The following SMYD3 variants were observed in gnomAD, a reference collection of about 807,000 sequenced individuals.
The protein encoded by SMYD3 is histone-lysine N-methyltransferase SMYD3.
SMYD3 carries 36 observed loss-of-function variants against 57.7 expected under a neutral mutation model. The observed-to-expected ratio is 0.62, with a 90% CI of 0.48 to 0.82. The LOEUF (loss-of-function observed/expected upper bound fraction) is 0.82. Among genes scored for constraint, SMYD3 ranks in the 40% least tolerant of loss-of-function variants. The pLI, the probability that SMYD3 is intolerant of heterozygous loss-of-function variation, is 0.00. For synonymous variants in SMYD3, 211 were observed against 195.0 expected (o/e 1.08, Z -0.68); for missense variants, 515 against 538.8 (o/e 0.96, Z 0.44).
chr1:246,112,279 C>T (rs925358925), intron 5 of SMYD3, among the ~76,000 whole-genome samples: 3 of 152,144 alleles, frequency 2.0e-5, no homozygotes, highest in Non-Finnish European at 2.9e-5. Flanking sequence ...CATCCATTTT[C>T]TTGAAGCTGT....
rs57740230 is a variant in SMYD3, at chr1:246,282,305, C to CAAAAAAAAAAAAA, written c.531+44883_531+44895dup. ...CAACATGGCAAGACCCTCATCTCTA[C>CAAAAAAAAAAAAA]AAAAAAAAAAAAAAAAAAAAAAAAA... On this transcript the variant is annotated intron_variant, in intron 5 of 11. Coordinates refer to ENST00000490107, the MANE Select transcript of SMYD3 (RefSeq NM_001167740.2). Among the ~76,000 whole-genome samples the CAAAAAAAAAAAAA allele has an allele frequency of 7.5e-4, 51 of 67,930 alleles. 1 individual carries two copies. The highest frequency in any genetic ancestry group is 1.2e-3 in the Admixed American group (5 of 4,100). 44.6% of individuals were successfully genotyped at this position (67,930 alleles called of 152,430 possible). A position where few individuals can be genotyped will look rare whatever the true frequency, so the allele number is the denominator to read the frequency against.
chr1:245,823,358 CT>C (rs1327340758), intron 10 of SMYD3, among the ~76,000 whole-genome samples: 1 of 17,620 alleles, frequency 5.7e-5, no homozygotes. Context: ...CTCGCTCTCG[CT>C]CTCTCTCTCT....
chr1:245,957,079 T>C (rs137911738), intron 5 of SMYD3, among the ~76,000 whole-genome samples: 4 of 152,312 alleles, frequency 2.6e-5, no homozygotes, highest in African/African-American at 4.8e-5. Context: ...CCAATAGGCA[T>C]GTATTCATCT....
intron 5 of SMYD3, among the ~76,000 whole-genome samples, chr1:246,183,783 A>G (rs539366854): frequency 1.3e-5 from 2 of 152,318 alleles, no homozygotes; most frequent in East Asian, 1.9e-4. Context: ...AGCTTCTACT[A>G]TTTGGCTGGC....
chr1:245,836,574 C>T (rs898229435), intron 10 of SMYD3, among the ~76,000 whole-genome samples: 4 of 152,178 alleles, frequency 2.6e-5, no homozygotes, highest in Non-Finnish European at 2.9e-5. Flanking sequence ...CTCTAGGATG[C>T]GTATTTCTAG....
intron 2 of SMYD3, among the ~76,000 whole-genome samples, chr1:246,346,512 G>C (rs1205645423): frequency 6.6e-6 from 1 of 152,124 alleles, no homozygotes; most frequent in East Asian, 1.9e-4. Context: ...CAGTTCCACA[G>C]GGCTGTGGAG....
intron 5 of SMYD3, among the ~76,000 whole-genome samples, chr1:246,319,998 G>A (rs1311881365): frequency 3.3e-5 from 5 of 152,016 alleles, no homozygotes; most frequent in Non-Finnish European, 5.9e-5. Context: ...GGCACATACC[G>A]GCCAAACACA....
At chr1:245,887,417 G>T (rs1343799254) in intron 8 of SMYD3, among the ~76,000 whole-genome samples, 1 of 152,176 alleles carries the variant, frequency 6.6e-6, no homozygotes, top group Non-Finnish European at 1.5e-5. Context: ...GGGCTGCTGT[G>T]TGTGGAGGAG....
chr1:246,227,846 G>A (rs921111767), intron 5 of SMYD3, among the ~76,000 whole-genome samples: 1 of 151,708 alleles, frequency 6.6e-6, no homozygotes, highest in Non-Finnish European at 1.5e-5. Flanking sequence ...AATTTCCTAA[G>A]GTCTCACCGA....
intron 5 of SMYD3, among the ~76,000 whole-genome samples, chr1:246,172,899 G>A (rs1209584595): frequency 1.1e-5 from 1 of 89,768 alleles, no homozygotes; most frequent in South Asian, 3.5e-4. Context: ...TCACTGTACT[G>A]TACTGTAGAC....
At chr1:246,136,274 G>T (rs1320725542) in intron 5 of SMYD3, among the ~76,000 whole-genome samples, 1 of 152,132 alleles carries the variant, frequency 6.6e-6, no homozygotes, top group African/African-American at 2.4e-5. Context: ...AGCTATCCAG[G>T]TAAAGAGTGG....
chr1:246,243,536 G>A (rs980562282), intron 5 of SMYD3, among the ~76,000 whole-genome samples: 2 of 150,718 alleles, frequency 1.3e-5, no homozygotes, highest in African/African-American at 4.9e-5. Context: ...TTAGAAAGAC[G>A]TTGGTCTTCA....
At chr1:246,056,119 TC>T (rs1482583368) in intron 5 of SMYD3, among the ~76,000 whole-genome samples, 1 of 152,212 alleles carries the variant, frequency 6.6e-6, no homozygotes, top group Non-Finnish European at 1.5e-5. Flanking sequence ...GACTGTGGCT[TC>T]ATGGGTATAT....
intron 1 of SMYD3, among the ~76,000 whole-genome samples, chr1:246,458,705 A>G (rs2067745360): frequency 7.3e-6 from 1 of 136,210 alleles, no homozygotes; most frequent in South Asian, 2.3e-4. Context: ...TGACCTCGTG[A>G]TCCGCCCGCC....
At chr1:246,271,207 T>A (rs972888943) in intron 5 of SMYD3, among the ~76,000 whole-genome samples, 1 of 152,230 alleles carries the variant, frequency 6.6e-6, no homozygotes, top group Non-Finnish European at 1.5e-5. Flanking sequence ...TGATCCATTA[T>A]CAGATATAAG....
intron 10 of SMYD3, among the ~76,000 whole-genome samples, chr1:245,826,242 G>C (rs1189707793): frequency 6.6e-6 from 1 of 151,666 alleles, no homozygotes; most frequent in South Asian, 2.1e-4. Flanking sequence ...ACCTTTTTAC[G>C]TTGAATTTGC....
chr1:246,090,000 A>C, intron 5 of SMYD3, among the ~76,000 whole-genome samples: 1 of 151,972 alleles, frequency 6.6e-6, no homozygotes, highest in South Asian at 2.1e-4. Context: ...GAATCCAGTC[A>C]GTTTTTCTCT....
chr1:246,101,078 T>G (rs938163747), intron 5 of SMYD3, among the ~76,000 whole-genome samples: 15 of 125,460 alleles, frequency 1.2e-4, no homozygotes, highest in East Asian at 2.9e-4. Context: ...TTTGTTTTTT[T>G]TTTTTTTTTT....
chr1:245,777,101 C>G (rs1272613661), intron 10 of SMYD3, among the ~76,000 whole-genome samples: 1 of 152,268 alleles, frequency 6.6e-6, no homozygotes, highest in African/African-American at 2.4e-5. Context: ...AATGGACAAC[C>G]ATGAATAGGT....
Sources: gnomAD v4.1 joint callset for allele counts (sites outside exome capture counted in the v4.1 genomes callset) on GRCh38, gnomAD v4.1.1 for gene constraint, MANE v1.5 for transcripts, NCBI Gene and HGNC (gene_info 2026-07-23, HGNC 2026-07-21) for gene names.